The following PCDH9 variants were observed in gnomAD, a reference collection of about 807,000 sequenced individuals.
PCDH9 encodes the protein protocadherin 9.
PCDH9 carries 24 observed loss-of-function variants against 70.6 expected under a neutral mutation model. The ratio of observed to expected loss-of-function variants is 0.34; its 90% CI spans 0.25 to 0.48. PCDH9 has a LOEUF of 0.48. Ranked by LOEUF, PCDH9 falls within the 20% of genes least tolerant of loss-of-function variation. The pLI is 0.99. For missense variants in PCDH9, 1,281 were observed against 1,503.6 expected (o/e 0.85, Z 2.45); for synonymous variants, 562 against 558.5 (o/e 1.01, Z -0.09).
chr13:66,735,384 G>T (rs913003822), intron 3 of PCDH9, among the ~76,000 whole-genome samples: 2 of 152,096 alleles, frequency 1.3e-5, no homozygotes, highest in African/African-American at 4.8e-5. Flanking sequence ...ACAAACTAAA[G>T]ATTGGGTACA....
chr13:67,226,043 T>A lies in PCDH9; in HGVS notation c.2398A>T (p.Ile800Leu). 6.2e-7 allele frequency: 1 copy of A among 1,614,132 alleles called. No individual in the cohort carries two copies. The highest frequency in any genetic ancestry group is 1.6e-4 in the Middle Eastern group (1 of 6,062). The change falls in exon 2 of 5, where the codon ATA becomes TTA. Residue 800 changes from isoleucine to leucine, a missense_variant. Ile to Leu is a conservative substitution (Grantham distance 5, BLOSUM62 2). This residue lies in a region of PCDH9 where 798 missense variants were observed against 1,003.1 expected (regional missense o/e 0.80). Coordinates refer to ENST00000377865, the MANE Select transcript of PCDH9 (RefSeq NM_203487.3). The surrounding 1 kb of genome is among the most constrained non-coding windows in gnomAD (Gnocchi z 5.0). The part of the protein sequence containing the change: ...RTMETPLDRN[I>L]GDSSQPYQNE... ...TGATAGGGTTGGCTACTATCCCCTA[T>A]GTTCCTGTCCAACGGGGTCTCCATA...
chr13:66,372,995 G>C (rs1057288478), intron 4 of PCDH9, among the ~76,000 whole-genome samples: 2 of 151,802 alleles, frequency 1.3e-5, no homozygotes, highest in Non-Finnish European at 2.9e-5. Context: ...ATATCCAAAA[G>C]AATTAAAAGC....
intron 2 of PCDH9, among the ~76,000 whole-genome samples, chr13:67,142,681 G>C (rs1420611357): frequency 6.6e-6 from 1 of 152,056 alleles, no homozygotes; most frequent in African/African-American, 2.4e-5. Context: ...ATTATGGTTG[G>C]ATTTCTGAAA....
At chr13:66,680,352 C>A (rs2078301687) in intron 3 of PCDH9, among the ~76,000 whole-genome samples, 1 of 151,912 alleles carries the variant, frequency 6.6e-6, no homozygotes, top group African/African-American at 2.4e-5. Flanking sequence ...TGGCATCTTT[C>A]CAGTATAGAA....
Position 66,871,341 on chromosome 13 carries a change from A to G in PCDH9, c.3138+32163T>C, listed in dbSNP as rs186233723. ...CAGCATGGCACATGTATACATATGT[A>G]AATAACCTGCACATTGTGCACATGT... On this transcript the variant is annotated intron_variant, in intron 3 of 4. Coordinates refer to ENST00000377865, the MANE Select transcript of PCDH9 (RefSeq NM_203487.3). 5.5e-3 allele frequency among the ~76,000 whole-genome samples: 831 copies of G among 152,122 alleles called. 4 individuals carry two copies. Among genetic ancestry groups the G allele is most frequent in the South Asian group, 0.024 (115 of 4,804 alleles).
chr13:66,652,516 A>G (rs1004385251), intron 3 of PCDH9, among the ~76,000 whole-genome samples: 1 of 152,078 alleles, frequency 6.6e-6, no homozygotes, highest in Non-Finnish European at 1.5e-5. Context: ...TATGTTCATG[A>G]ATTGGAAGAA....
At chr13:66,454,292 A>G (rs1013809479) in intron 4 of PCDH9, among the ~76,000 whole-genome samples, 10 of 152,220 alleles carry the variant, frequency 6.6e-5, no homozygotes, top group African/African-American at 2.4e-4. Flanking sequence ...CGAAGGAGAA[A>G]AAATAGCAAA....
chr13:67,171,982 T>C (rs546972636), intron 2 of PCDH9, among the ~76,000 whole-genome samples: 2 of 152,158 alleles, frequency 1.3e-5, no homozygotes, highest in Non-Finnish European at 2.9e-5. Context: ...GAGAGCACAA[T>C]ATAATAGAGC....
At chr13:66,526,970 C>A (rs1003847038) in intron 4 of PCDH9, among the ~76,000 whole-genome samples, 3 of 152,130 alleles carry the variant, frequency 2.0e-5, no homozygotes, top group African/African-American at 7.2e-5. Context: ...CTTGGTTGAA[C>A]TAAATGTTAG....
intron 4 of PCDH9, among the ~76,000 whole-genome samples, chr13:66,473,521 A>C (rs1958660806): frequency 6.6e-6 from 1 of 152,134 alleles, no homozygotes; most frequent in African/African-American, 2.4e-5. Flanking sequence ...TATCTCTATT[A>C]AAATTTTATC....
chr13:66,853,914 T>C (rs9599159), intron 3 of PCDH9, among the ~76,000 whole-genome samples: 2,484 of 152,156 alleles, frequency 0.016, 35 homozygotes, highest in Non-Finnish European at 0.024. Flanking sequence ...GAGAAAACTA[T>C]GAAAATATTT....
At chr13:67,195,226 A>AGCTCC (rs1388639832) in intron 2 of PCDH9, among the ~76,000 whole-genome samples, 4 of 151,910 alleles carry the variant, frequency 2.6e-5, no homozygotes, top group Non-Finnish European at 5.9e-5. Context: ...GCTCACTGCA[A>AGCTCC]GCTCCGCCTC....
chr13:67,019,262 C>T (rs540066217), intron 2 of PCDH9, among the ~76,000 whole-genome samples: 4 of 140,628 alleles, frequency 2.8e-5, no homozygotes, highest in East Asian at 2.2e-4. Context: ...GGTAGGATCT[C>T]GGCTCACTGC....
At chr13:67,000,090 C>T (rs1399510917) in intron 2 of PCDH9, among the ~76,000 whole-genome samples, 1 of 152,012 alleles carries the variant, frequency 6.6e-6, no homozygotes, top group African/African-American at 2.4e-5. Flanking sequence ...CCCAAATGTC[C>T]AACAATGATA....
intron 4 of PCDH9, among the ~76,000 whole-genome samples, chr13:66,546,809 A>G (rs751476676): frequency 2.0e-5 from 3 of 152,054 alleles, no homozygotes; most frequent in Non-Finnish European, 4.4e-5. Flanking sequence ...TTTGTACTGT[A>G]TTTTTACTGT....
In PCDH9 at chr13:67,110,467, T is replaced by A. The variant is rs1299665705; in HGVS notation, c.3036+114938A>T. ...AGGCTGAGGTTACAGTGAGCTGAGA[T>A]CGTGCCACTGCACTTCAGCCTGGGC... On this transcript the variant is annotated intron_variant, in intron 2 of 4. Coordinates refer to ENST00000377865, the MANE Select transcript of PCDH9 (RefSeq NM_203487.3). Among the ~76,000 whole-genome samples, 3 of 136,668 alleles carry A rather than the reference T, an allele frequency of 2.2e-5. No individual in the cohort carries two copies. The East Asian group carries it at 6.5e-4, about 29-fold the overall frequency. 89.7% of individuals were successfully genotyped at this position (136,668 alleles called of 152,430 possible).
intron 2 of PCDH9, among the ~76,000 whole-genome samples, chr13:67,153,718 A>G (rs1189559673): frequency 1.3e-5 from 2 of 152,218 alleles, no homozygotes; most frequent in African/African-American, 2.4e-5. Context: ...ACCCTTTAGT[A>G]TCTACCCTCT....
Position 67,140,513 on chromosome 13 carries a change from G to C in PCDH9, c.3036+84892C>G, listed in dbSNP as rs180695150. 2.6e-5 allele frequency among the ~76,000 whole-genome samples: 4 copies of C among 152,230 alleles called. No individual in the cohort carries two copies. In the East Asian group the frequency reaches 7.7e-4, roughly 29 times the overall value. On this transcript the variant is annotated intron_variant, in intron 2 of 4. Coordinates refer to ENST00000377865, the MANE Select transcript of PCDH9 (RefSeq NM_203487.3). The stretch of plus-strand genomic sequence containing the variant: ...TCTAGAAACCAGTCCTCTTTTTAGA[G>C]GTATGGAGCAGGTCAGGTGTTTTCA...
At chr13:67,090,203 C>A (rs1289393886) in intron 2 of PCDH9, among the ~76,000 whole-genome samples, 2 of 152,070 alleles carry the variant, frequency 1.3e-5, no homozygotes, top group Non-Finnish European at 1.5e-5. Flanking sequence ...GGCAGTCTTT[C>A]TCAAATATTA....
Sources: allele counts gnomAD v4.1 joint callset (sites outside exome capture counted in the v4.1 genomes callset), GRCh38; gene constraint gnomAD v4.1.1; regional missense constraint gnomAD v4.1.1; non-coding constraint Gnocchi (gnomAD v3.1); transcripts MANE v1.5; gene names NCBI Gene and HGNC (gene_info 2026-07-23, HGNC 2026-07-21).